The following TRAPPC9 variants were observed in gnomAD, a reference collection of about 807,000 sequenced individuals.
TRAPPC9 encodes the protein IKK2 binding protein.
Under a neutral mutation model 124.0 loss-of-function variants are expected in TRAPPC9, and 83 were observed. The observed-to-expected ratio is 0.67, with a 90% CI of 0.56 to 0.80. The LOEUF is 0.80. Ranked by LOEUF, TRAPPC9 falls within the 30% of genes least tolerant of loss-of-function variation. TRAPPC9 has a pLI of 0.00. For synonymous variants in TRAPPC9, 638 were observed against 617.5 expected (o/e 1.03, Z -0.49); for missense variants, 1,302 against 1,508.3 (o/e 0.86, Z 2.27).
intron 7 of TRAPPC9, among the ~76,000 whole-genome samples, chr8:140,395,578 A>C (rs1394040813): frequency 6.6e-6 from 1 of 152,194 alleles, no homozygotes; most frequent in Non-Finnish European, 1.5e-5. Flanking sequence ...GATGGTGGTG[A>C]CTGTTATTTT....
intron 21 of TRAPPC9, among the ~76,000 whole-genome samples, chr8:139,755,571 G>A (rs1395517063): frequency 1.1e-3 from 152 of 134,430 alleles, no homozygotes; most frequent in African/African-American, 4.4e-3. Context: ...GAGGAGCCAG[G>A]GATGGGGTAT....
chr8:140,425,557 G>A (rs566647599), intron 5 of TRAPPC9, among the ~76,000 whole-genome samples: 1 of 152,056 alleles, frequency 6.6e-6, no homozygotes, highest in Non-Finnish European at 1.5e-5. Context: ...TTTTCTTATA[G>A]CTCTAAGCTA....
intron 21 of TRAPPC9, among the ~76,000 whole-genome samples, chr8:139,745,018 T>C (rs1180300909): frequency 6.6e-6 from 1 of 151,958 alleles, no homozygotes; most frequent in African/African-American, 2.4e-5. Flanking sequence ...GTGCAGGAGG[T>C]GAGCTCCGGA....
intron 19 of TRAPPC9, chr8:139,933,891 A>G (rs1174670629): frequency 6.6e-6 from 1 of 152,212 alleles, no homozygotes; most frequent in African/African-American, 2.4e-5. Flanking sequence ...CAGCAACAAT[A>G]ATGTCACGAA....
chr8:140,209,305 A>G (rs1472944902), intron 17 of TRAPPC9, among the ~76,000 whole-genome samples: 1 of 152,206 alleles, frequency 6.6e-6, no homozygotes, highest in Non-Finnish European at 1.5e-5. Flanking sequence ...CCCAGCATTC[A>G]GAACTGGGCA....
At chr8:139,818,867 T>G (rs1563837748) in intron 21 of TRAPPC9, among the ~76,000 whole-genome samples, 1 of 152,238 alleles carries the variant, frequency 6.6e-6, no homozygotes, top group African/African-American at 2.4e-5. Flanking sequence ...GGGAAAACTT[T>G]CCTTGTCCTC....
intron 14 of TRAPPC9, among the ~76,000 whole-genome samples, chr8:140,279,966 G>A (rs2065256115): frequency 6.6e-6 from 1 of 152,156 alleles, no homozygotes; most frequent in South Asian, 2.1e-4. Context: ...CCTTTTGCTG[G>A]AGCGCTGGCC....
rs545140220 is a variant in TRAPPC9 at position 139,905,251 on chromosome 8, G to T, written c.2964+4896C>A. Among the ~76,000 whole-genome samples, 6 of 152,168 alleles carry T rather than the reference G, an allele frequency of 3.9e-5. 1 individual carries two copies. Among genetic ancestry groups the T allele is most frequent in the African/African-American group, 1.2e-4 (5 of 41,508 alleles). ...CAGGAGAGGTCTGGGTCGGGGGGCT[G>T]GGGGGAAGGATTCTCTTTAAAATCA... is the stretch of plus-strand genomic sequence containing the variant. On this transcript the variant is annotated intron_variant, in intron 20 of 22. Transcript: ENST00000438773.
At chr8:139,973,105 T>C (rs1587380483) in intron 19 of TRAPPC9, among the ~76,000 whole-genome samples, 3 of 152,248 alleles carry the variant, frequency 2.0e-5, no homozygotes, top group East Asian at 1.9e-4. Context: ...CAAATGTTTC[T>C]ACCATAAGAA....
intron 21 of TRAPPC9, among the ~76,000 whole-genome samples, chr8:139,836,346 C>G (rs145481076): frequency 1.2e-3 from 178 of 152,348 alleles, no homozygotes; most frequent in African/African-American, 4.0e-3. Context: ...AGCTCTCCAT[C>G]TCAGACCCCG....
intron 21 of TRAPPC9, among the ~76,000 whole-genome samples, chr8:139,736,490 A>G (rs138421024): frequency 0.02 from 3,006 of 152,286 alleles, 82 homozygotes; most frequent in African/African-American, 0.068. Flanking sequence ...TACAGGCACC[A>G]AATCCCCTGA....
chr8:140,109,330 G>T (rs1446174720), intron 17 of TRAPPC9, among the ~76,000 whole-genome samples: 1 of 152,126 alleles, frequency 6.6e-6, no homozygotes, highest in Non-Finnish European at 1.5e-5. Flanking sequence ...ACAAACTGGG[G>T]CATAGGGCAC....
chr8:140,115,086 C>G (rs1345916667), intron 17 of TRAPPC9, among the ~76,000 whole-genome samples: 1 of 152,070 alleles, frequency 6.6e-6, no homozygotes, highest in Admixed American at 6.5e-5. Flanking sequence ...ATAAAAAGTG[C>G]AGCCATGGGG....
chr8:139,881,275 C>T (rs1205711482), intron 21 of TRAPPC9: 2 of 152,150 alleles, frequency 1.3e-5, no homozygotes, highest in African/African-American at 4.8e-5. Context: ...TATATTAAGA[C>T]AAGTTGAACC....
intron 9 of TRAPPC9, among the ~76,000 whole-genome samples, chr8:140,357,686 G>A (rs2067793899): frequency 6.6e-6 from 1 of 152,156 alleles, no homozygotes; most frequent in South Asian, 2.1e-4. Context: ...CCGCCACTGA[G>A]CCACAGTCAC....
chr8:140,271,656 A>G (rs2064886892), intron 15 of TRAPPC9, among the ~76,000 whole-genome samples: 1 of 152,230 alleles, frequency 6.6e-6, no homozygotes, highest in Non-Finnish European at 1.5e-5. Context: ...AACTTCACCA[A>G]TCATCGGGGA....
At position 139,823,699 on chromosome 8, in the gene TRAPPC9, C is replaced by T. The variant is rs567051402; in HGVS notation, c.3055+62180G>A. ...GCTGACGGACAGTGTTCCTGGGAAG[C>T]CCTGCAGCAGAGGTGCCAGTCTTTC... On this transcript the variant is annotated intron_variant, in intron 21 of 22. Coordinates refer to ENST00000438773, the MANE Select transcript of TRAPPC9 (RefSeq NM_001160372.4). Among the ~76,000 whole-genome samples, 4 of 152,338 alleles carry T rather than the reference C, an allele frequency of 2.6e-5. No individual in the cohort carries two copies. In the South Asian group the frequency reaches 8.3e-4, roughly 32 times the overall value.
intron 21 of TRAPPC9, among the ~76,000 whole-genome samples, chr8:139,844,640 G>A (rs548427681): frequency 1.3e-5 from 2 of 152,376 alleles, no homozygotes; most frequent in African/African-American, 2.4e-5. Flanking sequence ...AAGAGAGGCA[G>A]GTAAGAGCAG....
intron 21 of TRAPPC9, among the ~76,000 whole-genome samples, chr8:139,872,036 G>GTGGA (rs150208547): frequency 1.5e-4 from 22 of 148,292 alleles, no homozygotes; most frequent in East Asian, 4.0e-4. Flanking sequence ...GGTTGGATAA[G>GTGGA]TGGATGGATG....
Sources: allele counts gnomAD v4.1 joint callset (sites outside exome capture counted in the v4.1 genomes callset), GRCh38; gene constraint gnomAD v4.1.1; transcripts MANE v1.5; gene names NCBI Gene and HGNC (gene_info 2026-07-23, HGNC 2026-07-21).